Variants in CSMD1 observed in about 807,000 individuals in gnomAD.
CSMD1 encodes the protein CUB and Sushi multiple domains 1.
Under a neutral mutation model 417.5 loss-of-function variants are expected in CSMD1, and 213 were observed. That is an observed-to-expected ratio of 0.51 (90% CI 0.46 to 0.57). CSMD1 has a LOEUF of 0.57. Among genes scored for constraint, CSMD1 ranks in the 20% least tolerant of loss-of-function variants. CSMD1 has a pLI of 0.00. For missense variants in CSMD1, 6,923 were observed against 4,529.7 expected, an observed-to-expected ratio of 1.53 and a Z score of -15.17; for synonymous variants, 2,862 against 1,736.8, an observed-to-expected ratio of 1.65 and a Z score of -16.11.
At chr8:3,562,628 G>A (rs1385731882) in intron 10 of CSMD1, among the ~76,000 whole-genome samples, 3 of 151,724 alleles carry the variant, frequency 2.0e-5, no homozygotes, top group African/African-American at 7.3e-5. Flanking sequence ...TTTTCTGAAG[G>A]CAAATATCCT....
chr8:3,066,616 G>C (rs1342857768), intron 49 of CSMD1, among the ~76,000 whole-genome samples: 1 of 152,160 alleles, frequency 6.6e-6, no homozygotes, highest in African/African-American at 2.4e-5. Flanking sequence ...GAGAGTAATA[G>C]CTTTAGTAAA....
At chr8:3,723,336 T>C (rs1802294097) in intron 6 of CSMD1, among the ~76,000 whole-genome samples, 1 of 152,086 alleles carries the variant, frequency 6.6e-6, no homozygotes, top group South Asian at 2.1e-4. Flanking sequence ...TTTGATTAGG[T>C]CAGGGCCGCT....
At chr8:4,691,937 T>C (rs1584951290) in intron 1 of CSMD1, among the ~76,000 whole-genome samples, 1 of 152,190 alleles carries the variant, frequency 6.6e-6, no homozygotes, top group African/African-American at 2.4e-5. Context: ...CTATAACTAG[T>C]TTATGGCAAA....
intron 2 of CSMD1, among the ~76,000 whole-genome samples, chr8:4,448,382 T>A (rs1033055911): frequency 6.6e-6 from 1 of 152,170 alleles, no homozygotes; most frequent in African/African-American, 2.4e-5. Flanking sequence ...ACACGCCAGT[T>A]GTCCAACTCC....
At chr8:3,508,286 C>A (rs1212573779) in intron 10 of CSMD1, among the ~76,000 whole-genome samples, 1 of 151,214 alleles carries the variant, frequency 6.6e-6, no homozygotes, top group Non-Finnish European at 1.5e-5. Flanking sequence ...GGCTCACCTG[C>A]GCCCCCTCCC....
At position 3,468,697 on chromosome 8, in the gene CSMD1, G is replaced by A. The variant is rs556993839; in HGVS notation, c.1561+15C>T. 9.2e-5 allele frequency: 141 copies of A among 1,530,626 alleles called. 2 individuals carry two copies. The South Asian group carries it at 1.5e-3, about 17-fold the overall frequency. 94.8% of individuals were successfully genotyped at this position (1,530,626 alleles called of 1,614,324 possible). A position where few individuals can be genotyped will look rare whatever the true frequency, so the allele number is the denominator to read the frequency against. On this transcript the variant is annotated intron_variant, in intron 12 of 69. Coordinates refer to ENST00000635120, the MANE Select transcript of CSMD1 (RefSeq NM_033225.6). Reference sequence around the variant, plus strand: ...ATGCTAACTTCCAACCCTGTGAAGTGTAATCTCATCATACCTTGGTAAACA... The same window carrying A: ...ATGCTAACTTCCAACCCTGTGAAGTATAATCTCATCATACCTTGGTAAACA...
chr8:3,213,313 T>C (rs1156924845), intron 30 of CSMD1, among the ~76,000 whole-genome samples: 3 of 152,182 alleles, frequency 2.0e-5, no homozygotes, highest in Non-Finnish European at 4.4e-5. Flanking sequence ...ATTCTTCTTC[T>C]TTTTTAAATA....
At chr8:3,580,347 T>A (rs1167023956) in intron 9 of CSMD1, among the ~76,000 whole-genome samples, 1 of 152,050 alleles carries the variant, frequency 6.6e-6, no homozygotes, top group Non-Finnish European at 1.5e-5. Context: ...GGACGTGGGT[T>A]CAGATGGCAT....
intron 3 of CSMD1, among the ~76,000 whole-genome samples, chr8:4,151,968 C>G (rs916336741): frequency 4.6e-5 from 7 of 152,132 alleles, no homozygotes; most frequent in Non-Finnish European, 1.0e-4. Flanking sequence ...TAAGCAGTTA[C>G]AATCCTTCCT....
chr8:4,849,518 G>C (rs927348034), intron 1 of CSMD1, among the ~76,000 whole-genome samples: 3 of 152,098 alleles, frequency 2.0e-5, no homozygotes, highest in Non-Finnish European at 4.4e-5. Context: ...GACTCCTACA[G>C]AGCTACTTCC....
chr8:3,814,310 A>G (rs1238952642), intron 5 of CSMD1, among the ~76,000 whole-genome samples: 6 of 152,174 alleles, frequency 3.9e-5, no homozygotes. Flanking sequence ...CTTTCTACTC[A>G]GTTCCTGCAA....
chr8:3,620,678 G>A (rs1378483139), intron 7 of CSMD1, among the ~76,000 whole-genome samples: 1 of 152,000 alleles, frequency 6.6e-6, no homozygotes, highest in Non-Finnish European at 1.5e-5. Context: ...AAAGAAAAGA[G>A]AAGACAATCA....
chr8:4,569,442 T>C (rs1486895934), intron 2 of CSMD1, among the ~76,000 whole-genome samples: 1 of 152,214 alleles, frequency 6.6e-6, no homozygotes, highest in African/African-American at 2.4e-5. Context: ...TTGTCAAACA[T>C]CAGATGGTTG....
chr8:4,920,390 G>A (rs1388579377), intron 1 of CSMD1, among the ~76,000 whole-genome samples: 1 of 152,222 alleles, frequency 6.6e-6, no homozygotes, highest in Non-Finnish European at 1.5e-5. Context: ...AATGCTGGCA[G>A]TATAAATCTA....
At chr8:4,629,937 C>G (rs1187160966) in intron 2 of CSMD1, among the ~76,000 whole-genome samples, 2 of 152,152 alleles carry the variant, frequency 1.3e-5, no homozygotes, top group African/African-American at 4.8e-5. Flanking sequence ...CAGGAAGCTC[C>G]TTCTCTCTAG....
At chr8:3,018,317 C>T (rs1809037070) in intron 52 of CSMD1, among the ~76,000 whole-genome samples, 160 bp downstream of exon 52, 1 of 152,136 alleles carries the variant, frequency 6.6e-6, no homozygotes, top group African/African-American at 2.4e-5. Context: ...AAACAAATCC[C>T]TGTAGATACT....
chr8:4,638,892 G>C (rs1354238777), intron 1 of CSMD1, among the ~76,000 whole-genome samples: 1 of 152,114 alleles, frequency 6.6e-6, no homozygotes, highest in Non-Finnish European at 1.5e-5. Context: ...TTGTGTTATT[G>C]ATTCTAACAA....
chr8:4,403,479 T>C (rs554405254), intron 3 of CSMD1, among the ~76,000 whole-genome samples: 4 of 152,278 alleles, frequency 2.6e-5, no homozygotes, highest in African/African-American at 7.2e-5. Context: ...GACCTACTTA[T>C]GGTGAAATCC....
chr8:3,732,967 C>T (rs1490196404), intron 6 of CSMD1, among the ~76,000 whole-genome samples: 2 of 152,054 alleles, frequency 1.3e-5, no homozygotes, highest in South Asian at 2.1e-4. Flanking sequence ...ACCTACCTAC[C>T]TATCTACCAA....
Sources: gnomAD v4.1 joint callset for allele counts (sites outside exome capture counted in the v4.1 genomes callset) on GRCh38, gnomAD v4.1.1 for gene constraint, MANE v1.5 for transcripts, NCBI Gene and HGNC (gene_info 2026-07-23, HGNC 2026-07-21) for gene names.